Variants in PGBD5 observed in about 807,000 individuals in gnomAD.
PGBD5 encodes piggyBac transposable element-derived protein 5.
PGBD5 carries 14 observed loss-of-function variants against 47.9 expected under a neutral mutation model. That is an observed-to-expected ratio of 0.29 (90% CI 0.19 to 0.46). The LOEUF (loss-of-function observed/expected upper bound fraction) is 0.46, where lower values mean the gene tolerates loss of function less well. Ranked by LOEUF, PGBD5 falls within the 20% of genes least tolerant of loss-of-function variation. PGBD5 has a pLI of 1.00. For synonymous variants in PGBD5, 316 were observed against 306.3 expected (o/e 1.03, Z -0.33); for missense variants, 635 against 716.0 (o/e 0.89, Z 1.29).
chr1:230,383,914 G>A (rs76921480), intron 1 of PGBD5, among the ~76,000 whole-genome samples: 13,651 of 152,260 alleles, frequency 0.09, 867 homozygotes, highest in African/African-American at 0.18. Context: ...GAAGCCAGTG[G>A]TGAGAGAAGC....
chr1:230,387,769 A>C (rs552540526), intron 1 of PGBD5, among the ~76,000 whole-genome samples: 101 of 152,270 alleles, frequency 6.6e-4, no homozygotes, highest in African/African-American at 2.1e-3. Flanking sequence ...AGTGTCCAAC[A>C]ACCTCATTCT....
At chr1:230,385,538 G>A (rs890107789) in intron 1 of PGBD5, among the ~76,000 whole-genome samples, 1 of 152,168 alleles carries the variant, frequency 6.6e-6, no homozygotes, top group African/African-American at 2.4e-5. Flanking sequence ...CTGAGTCAAG[G>A]CTGATTTCTG....
At chr1:230,408,358 T>C (rs955899226) in intron 1 of PGBD5, among the ~76,000 whole-genome samples, 3 of 152,162 alleles carry the variant, frequency 2.0e-5, no homozygotes, top group African/African-American at 4.8e-5. Flanking sequence ...TGTATGTATG[T>C]ATGCATGTAA....
At chr1:230,360,619 G>A (rs116087157) in intron 1 of PGBD5, among the ~76,000 whole-genome samples, 3,939 of 152,246 alleles carry the variant, frequency 0.026, 166 homozygotes, top group African/African-American at 0.088. Flanking sequence ...TCTCCTTCCT[G>A]CTGCTCTGTG....
chr1:230,409,165 T>C (rs535956261), intron 1 of PGBD5, among the ~76,000 whole-genome samples: 25 of 152,248 alleles, frequency 1.6e-4, no homozygotes, highest in Admixed American at 1.0e-3. Flanking sequence ...GAGCTTCCAC[T>C]TCACACCTAC....
chr1:230,347,483 T>C (rs1171540126), intron 3 of PGBD5, among the ~76,000 whole-genome samples: 17 of 146,774 alleles, frequency 1.2e-4, no homozygotes, highest in East Asian at 3.9e-4. Context: ...TTTCTTTTTT[T>C]TTTTTTTTTT....
In PGBD5 at chr1:230,337,244, A is replaced by G. The variant is rs757565811; in HGVS notation, c.939T>C (p.Asp313=). 7 of 1,613,864 alleles carry G rather than the reference A, an allele frequency of 4.3e-6. No individual in the cohort carries two copies. The East Asian group carries it at 1.3e-4, about 31-fold the overall frequency. The change falls in exon 4 of 7, where the codon GAT becomes GAC. Residue 313 remains aspartate, a synonymous_variant. Transcript: ENST00000391860. ...LKEGGGPDGL[D]ALKNKPQLHS... ...GGAGCTGGGGCTTATTCTTCAGCGC[A>G]TCCAGGCCATCTGGGCCCCCACCTT...
Position 230,357,308 on chromosome 1 carries a change from C to T in PGBD5, c.345G>A (p.Lys115=). The T allele has an allele frequency of 6.2e-7, 1 of 1,613,290 alleles. No homozygotes were observed. Among genetic ancestry groups the T allele is most frequent in the Non-Finnish European group, 8.5e-7 (1 of 1,179,434 alleles). ...RFEDTGGPTR[K]MPPSASAVDF... ...CCACGGCACTGGCGCTGGGGGGCAT[C>T]TTTCGGGTGGGACCTGAAACCCAAA... Residue 115 remains lysine, a synonymous_variant, in exon 2 of 7, where the codon AAG becomes AAA. Coordinates refer to ENST00000391860, the MANE Select transcript of PGBD5 (RefSeq NM_001258311.2). This position sits in a 1 kb window ranked among gnomAD's most constrained non-coding sequence, Gnocchi z 5.7.
rs896134840 is a variant in PGBD5, at chr1:230,357,979, T to C, written c.332-658A>G. Among the ~76,000 whole-genome samples, 2 of 148,820 alleles carry C rather than the reference T, an allele frequency of 1.3e-5. No homozygotes were observed. Among genetic ancestry groups the C allele is most frequent in the African/African-American group, 5.2e-5 (2 of 38,586 alleles). On this transcript the variant is annotated intron_variant, in intron 1 of 6. Coordinates refer to ENST00000391860, the MANE Select transcript of PGBD5 (RefSeq NM_001258311.2). This position sits in a 1 kb window ranked among gnomAD's most constrained non-coding sequence, Gnocchi z 5.7. The stretch of plus-strand genomic sequence containing the variant: ...ATATATACACATACATACACACACA[T>C]ACATACATACATACACAGGCACACA...
At chr1:230,326,150 G>T (rs1415641636) in intron 5 of PGBD5, among the ~76,000 whole-genome samples, 1 of 152,260 alleles carries the variant, frequency 6.6e-6, no homozygotes, top group African/African-American at 2.4e-5. Flanking sequence ...GCGCACGGTG[G>T]CTCACGCCTG....
At chr1:230,422,287 G>GA (rs1657666062) in intron 1 of PGBD5, among the ~76,000 whole-genome samples, 1 of 152,042 alleles carries the variant, frequency 6.6e-6, no homozygotes. Context: ...TCCGAGAAAC[G>GA]AATCACAAGA....
chr1:230,376,159 G>A (rs1224052344), intron 1 of PGBD5, among the ~76,000 whole-genome samples: 1 of 152,026 alleles, frequency 6.6e-6, no homozygotes, highest in Non-Finnish European at 1.5e-5. Flanking sequence ...TCCTTTCTAT[G>A]CAGGCACAGT....
chr1:230,338,328 T>G (rs1294458524), intron 3 of PGBD5, among the ~76,000 whole-genome samples: 2 of 152,238 alleles, frequency 1.3e-5, no homozygotes, highest in Non-Finnish European at 2.9e-5. Flanking sequence ...AGCACAAGGC[T>G]GCAATCAAAA....
intron 1 of PGBD5, among the ~76,000 whole-genome samples, chr1:230,403,303 C>T (rs1463793730): frequency 6.6e-6 from 1 of 152,186 alleles, no homozygotes; most frequent in Non-Finnish European, 1.5e-5. Context: ...TGGAGTGCTG[C>T]CCTGTCAATG....
At chr1:230,385,224 T>C (rs1157002235) in intron 1 of PGBD5, among the ~76,000 whole-genome samples, 1 of 152,212 alleles carries the variant, frequency 6.6e-6, no homozygotes, top group Non-Finnish European at 1.5e-5. Context: ...CAGTGTCTTC[T>C]GGCTGTGGGG....
chr1:230,340,494 C>T (rs1667393013), intron 3 of PGBD5, among the ~76,000 whole-genome samples: 1 of 152,116 alleles, frequency 6.6e-6, no homozygotes, highest in African/African-American at 2.4e-5. Context: ...TGACTATACA[C>T]TCAAGCGGCT....
intron 5 of PGBD5, among the ~76,000 whole-genome samples, chr1:230,332,317 T>C (rs7417737): frequency 0.39 from 60,060 of 152,098 alleles, 13,015 homozygotes; most frequent in Non-Finnish European, 0.47. Flanking sequence ...TTAGTGATGA[T>C]TTCACTGTAC....
intron 1 of PGBD5, among the ~76,000 whole-genome samples, chr1:230,407,747 C>G (rs1657328669): frequency 6.6e-6 from 1 of 152,172 alleles, no homozygotes; most frequent in Non-Finnish European, 1.5e-5. Flanking sequence ...AGACATATTG[C>G]TCCATTGACA....
At chr1:230,375,774 C>G (rs1455204051) in intron 1 of PGBD5, among the ~76,000 whole-genome samples, 3 of 148,032 alleles carry the variant, frequency 2.0e-5, no homozygotes, top group Non-Finnish European at 4.4e-5. Context: ...TAGACACGTA[C>G]TAGTGTTGGC....
Sources: allele counts gnomAD v4.1 joint callset (sites outside exome capture counted in the v4.1 genomes callset), GRCh38; gene constraint gnomAD v4.1.1; non-coding constraint Gnocchi (gnomAD v3.1); transcripts MANE v1.5; gene names NCBI Gene and HGNC (gene_info 2026-07-23, HGNC 2026-07-21).